The following CABIN1 variants were observed in gnomAD, a reference collection of about 807,000 sequenced individuals.
CABIN1 encodes calcineurin-binding protein cabin-1.
A neutral mutation model predicts 227.7 loss-of-function variants in CABIN1; 133 were observed. That is an observed-to-expected ratio of 0.58 (90% CI 0.51 to 0.67). The LOEUF is 0.67. Ranked by LOEUF, CABIN1 falls within the 30% of genes least tolerant of loss-of-function variation. CABIN1 has a pLI of 0.00. For missense variants in CABIN1, 2,408 were observed against 2,852.5 expected, an observed-to-expected ratio of 0.84 and a Z score of 3.55; for synonymous variants, 1,086 against 1,155.1, an observed-to-expected ratio of 0.94 and a Z score of 1.21.
At position 24,177,707 on chromosome 22, in the gene CABIN1, A is replaced by G. The variant is rs1601325748; in HGVS notation, c.6409A>G (p.Ile2137Val). Residue 2137 changes from isoleucine (I) to valine (V), a missense_variant, in exon 36 of 37, where the codon ATC (isoleucine) becomes GTC (valine). By Grantham distance (29) the Ile-to-Val change is conservative. Coordinates refer to ENST00000263119, the MANE Select transcript of CABIN1 (RefSeq NM_012295.4). This position sits in a 1 kb window ranked among gnomAD's most constrained non-coding sequence, Gnocchi z 4.4. ...RPLPNMPKLV[I>V]PSAATKFPPE... ...CCTGCCCAACATGCCAAAGCTGGTC[A>G]TCCCCTCCGCCGCCACCAAGTTCCC... is the stretch of plus-strand genomic sequence containing the variant. The G allele has an allele frequency of 6.2e-7, 1 of 1,613,340 alleles. No homozygotes were observed.
Position 24,076,182 on chromosome 22 carries a change from G to T in CABIN1, c.2646G>T (p.Thr882=). The T allele has an allele frequency of 1.2e-6, 2 of 1,614,080 alleles. No homozygotes were observed. Among genetic ancestry groups the T allele is most frequent in the Non-Finnish European group, 1.7e-6 (2 of 1,179,950 alleles). ...GGCTTTCCCTAGGGATGTCAGAGAC[G>T]CCCATGCTCCCATCCTCCCTCATGC... ...QNPAEEGMSE[T]PMLPSSLMLL... Residue 882 remains threonine (T), a synonymous_variant, in exon 19 of 37, where the codon ACG becomes ACT. Transcript: ENST00000263119.
chr22:24,121,385 G>T (rs2043402424), intron 28 of CABIN1, among the ~76,000 whole-genome samples: 1 of 152,244 alleles, frequency 6.6e-6, no homozygotes, highest in Admixed American at 6.5e-5. Context: ...GGTGACACAG[G>T]TCTGGGAGGG....
At chr22:24,083,610 T>A (rs143034222) in intron 20 of CABIN1, among the ~76,000 whole-genome samples, 47 of 152,328 alleles carry the variant, frequency 3.1e-4, no homozygotes, top group African/African-American at 1.1e-3. Context: ...TTGACTAATA[T>A]GTAGAACCAG....
chr22:24,136,488 T>G (rs939851698), intron 29 of CABIN1, among the ~76,000 whole-genome samples: 3 of 146,566 alleles, frequency 2.0e-5, no homozygotes, highest in Non-Finnish European at 4.5e-5. Flanking sequence ...TAGCTGGGAC[T>G]ACGGGTCCAC....
rs567361031 is a variant in CABIN1, at chr22:24,060,047, C to G, written c.1523C>G (p.Ala508Gly). The G allele has an allele frequency of 6.2e-7, 1 of 1,614,110 alleles. No individual in the cohort carries two copies. The highest frequency in any genetic ancestry group is 1.3e-5 in the African/African-American group (1 of 75,028). ...KFLVRWPPGL[A>G]EVVLSVYHSW... The stretch of plus-strand genomic sequence containing the variant: ...TTGGTAAGGTGGCCTCCAGGCTTGG[C>G]GGAGGTCGTGCTCAGCGTCTACCAC... Residue 508 changes from alanine (A) to glycine (G), a missense_variant, in exon 12 of 37, where the codon GCG becomes GGG. Ala to Gly is a moderately conservative substitution (Grantham distance 60). This residue lies in a region of CABIN1 where 1,045 missense variants were observed against 1,168.4 expected (regional missense o/e 0.89). Transcript: ENST00000263119.
At chr22:24,039,808 A>G (rs915187114) in intron 4 of CABIN1, among the ~76,000 whole-genome samples, 3 of 152,262 alleles carry the variant, frequency 2.0e-5, no homozygotes, top group African/African-American at 7.2e-5. Flanking sequence ...GAAGTACAGA[A>G]AATACATAGA....
At chr22:24,082,230 C>T (rs5760202) in intron 19 of CABIN1, among the ~76,000 whole-genome samples, 25,867 of 151,886 alleles carry the variant, frequency 0.17, 2,695 homozygotes, top group Admixed American at 0.27. Context: ...GCTGGGACTA[C>T]AGGTGTGCAC....
chr22:24,165,484 G>A (rs369527041), intron 30 of CABIN1, 46 bp from the exon 31 acceptor site: 12 of 1,539,526 alleles, frequency 7.8e-6, no homozygotes, highest in Non-Finnish European at 3.6e-6. Flanking sequence ...GCCATGTGGT[G>A]TCAGATGCCC....
At position 24,071,041 on chromosome 22, in the gene CABIN1, A is replaced by G. The variant is rs147547032; in HGVS notation, c.2474A>G (p.Gln825Arg). The change falls in exon 17 of 37, where the codon CAG becomes CGG. Residue 825 changes from glutamine to arginine, a missense_variant and splice_region_variant. Gln to Arg is a conservative substitution (Grantham distance 43). This residue lies in a region of CABIN1 where 1,045 missense variants were observed against 1,168.4 expected (regional missense o/e 0.89). Transcript: ENST00000263119. ...GTGCGGCTCACCAACAACCTCATCC[A>G]GGTAACCCCTGGCTCCTTCTCACCC... ...GLVRLTNNLI[Q>R]VIDCSMAVQE... The G allele has an allele frequency of 8.7e-6, 14 of 1,614,224 alleles. No homozygotes were observed. The highest frequency in any genetic ancestry group is 1.2e-5 in the Non-Finnish European group (14 of 1,180,034).
intron 1 of CABIN1, among the ~76,000 whole-genome samples, chr22:24,026,805 A>G (rs181784783): frequency 1.3e-5 from 2 of 152,268 alleles, no homozygotes; most frequent in East Asian, 3.9e-4. Context: ...GTAAGTTTTT[A>G]AATTGTGTAG....
At chr22:24,082,724 T>C (rs1322882317) in intron 19 of CABIN1, among the ~76,000 whole-genome samples, 1 of 152,250 alleles carries the variant, frequency 6.6e-6, no homozygotes, top group African/African-American at 2.4e-5. Flanking sequence ...TCCTCATTTA[T>C]GTTTTGTCTG....
rs541299518 is a variant in CABIN1, at chr22:24,178,272, C to T, written c.*76C>T. ...AATGCCCCCTGGGCAGGACCCTGGG[C>T]AGGACCAGAGGCCCACATGGATGCC... On this transcript the variant is annotated 3_prime_UTR_variant, in exon 37 of 37. Coordinates refer to ENST00000263119, the MANE Select transcript of CABIN1 (RefSeq NM_012295.4). 3 of 1,581,028 alleles carry T rather than the reference C, an allele frequency of 1.9e-6. No homozygotes were observed. The highest frequency in any genetic ancestry group is 2.7e-5 in the African/African-American group (2 of 74,248).
chr22:24,133,399 G>A (rs181550553), intron 28 of CABIN1, among the ~76,000 whole-genome samples: 1 of 152,238 alleles, frequency 6.6e-6, no homozygotes, highest in Non-Finnish European at 1.5e-5. Flanking sequence ...GGACAAGCTT[G>A]CAGGCCAAGA....
chr22:24,100,390 A>G (rs2042133729), intron 26 of CABIN1, among the ~76,000 whole-genome samples: 1 of 152,366 alleles, frequency 6.6e-6, no homozygotes, highest in South Asian at 2.1e-4. Context: ...TTCAGCAGCT[A>G]TACTAGTTCC....
intron 26 of CABIN1, among the ~76,000 whole-genome samples, chr22:24,107,558 A>C (rs187220383): frequency 3.0e-4 from 45 of 152,284 alleles, no homozygotes; most frequent in African/African-American, 1.0e-3. Context: ...CAGGGAGCAG[A>C]AGCCCCTGCA....
chr22:24,110,139 C>G (rs774006855), intron 26 of CABIN1, among the ~76,000 whole-genome samples: 6 of 152,108 alleles, frequency 3.9e-5, no homozygotes, highest in Non-Finnish European at 7.4e-5. Context: ...CAATTGCACT[C>G]CAGCCTGGGC....
At chr22:24,108,150 G>A (rs151047115) in intron 26 of CABIN1, among the ~76,000 whole-genome samples, 13 of 152,326 alleles carry the variant, frequency 8.5e-5, no homozygotes, top group African/African-American at 3.1e-4. Context: ...AATGGCAATC[G>A]TGTTAAAAAA....
At chr22:24,063,285 G>T (rs2039335119) in intron 14 of CABIN1, 139 bp downstream of exon 14, 2 of 858,536 alleles carry the variant, frequency 2.3e-6, no homozygotes, top group Non-Finnish European at 3.7e-6. Flanking sequence ...CATAGCACCT[G>T]CCCGGGCACT....
At chr22:24,066,938 C>T (rs1394415076) in intron 15 of CABIN1, 49 bp from the exon 16 acceptor site, 2 of 1,567,076 alleles carry the variant, frequency 1.3e-6, no homozygotes, top group African/African-American at 2.7e-5. Context: ...TTTGGTGGGG[C>T]AGGGGCTGAG....
Sources: gnomAD v4.1 joint callset for allele counts (sites outside exome capture counted in the v4.1 genomes callset) on GRCh38, gnomAD v4.1.1 for gene constraint, gnomAD v4.1.1 regional missense constraint, Gnocchi (gnomAD v3.1) non-coding constraint, MANE v1.5 for transcripts, NCBI Gene and HGNC (gene_info 2026-07-23, HGNC 2026-07-21) for gene names.